The following ZDHHC14 variants were observed in gnomAD, a reference collection of about 807,000 sequenced individuals.
ZDHHC14 encodes the protein palmitoyltransferase ZDHHC14.
ZDHHC14 carries 16 observed loss-of-function variants against 47.7 expected under a neutral mutation model. The observed-to-expected ratio is 0.34, with a 90% CI of 0.23 to 0.51. ZDHHC14 has a LOEUF of 0.51. Ranked by LOEUF, ZDHHC14 falls within the 20% of genes least tolerant of loss-of-function variation. The pLI is 0.97. For synonymous variants in ZDHHC14, 293 were observed against 278.9 expected (o/e 1.05, Z -0.50); for missense variants, 515 against 662.5 (o/e 0.78, Z 2.44).
chr6:157,652,548 G>GA (rs897057844), intron 7 of ZDHHC14, among the ~76,000 whole-genome samples: 11 of 151,740 alleles, frequency 7.2e-5, no homozygotes, highest in Admixed American at 3.9e-4. Flanking sequence ...TCACTGGGGA[G>GA]AAAAAAAAGG....
At chr6:157,637,875 CA>C (rs1207635033) in intron 5 of ZDHHC14, among the ~76,000 whole-genome samples, 2 of 152,106 alleles carry the variant, frequency 1.3e-5, no homozygotes, top group Non-Finnish European at 2.9e-5. Flanking sequence ...AGATTAGAAA[CA>C]AAAATGGCTA....
intron 1 of ZDHHC14, among the ~76,000 whole-genome samples, chr6:157,518,591 G>T (rs1780786939): frequency 6.6e-6 from 1 of 152,120 alleles, no homozygotes; most frequent in Non-Finnish European, 1.5e-5. Context: ...AACCGCCCCG[G>T]TGCACCAGCG....
At chr6:157,481,752 C>G (rs1779635340) in intron 1 of ZDHHC14, among the ~76,000 whole-genome samples, 1 of 152,226 alleles carries the variant, frequency 6.6e-6, no homozygotes, top group Admixed American at 6.5e-5. Context: ...CTTGATATTA[C>G]TTTAGCCCCT....
chr6:157,581,821 C>G (rs71563713), intron 2 of ZDHHC14, among the ~76,000 whole-genome samples: 1 of 152,036 alleles, frequency 6.6e-6, no homozygotes, highest in East Asian at 1.9e-4. Flanking sequence ...TCACTGCATG[C>G]GAGATGGGTC....
rs912881663 is a variant in ZDHHC14 at position 157,673,187 on chromosome 6, G to A, written c.*65G>A. 1 of 1,477,932 alleles carries A rather than the reference G, an allele frequency of 6.8e-7. No homozygotes were observed. The highest frequency in any genetic ancestry group is 8.9e-7 in the Non-Finnish European group (1 of 1,123,324). 91.6% of individuals were successfully genotyped at this position (1,477,932 alleles called of 1,614,324 possible). On this transcript the variant is annotated 3_prime_UTR_variant, in exon 9 of 9. Coordinates refer to ENST00000359775, the MANE Select transcript of ZDHHC14 (RefSeq NM_024630.3). The surrounding 1 kb of genome is among the most constrained non-coding windows in gnomAD (Gnocchi z 5.4). ...CATGGGCAGCAGGAGTGAGCGGAGG[G>A]GTGTGTCCCACAGCGACTTTCCCAG...
At chr6:157,398,031 C>A (rs1284189692) in intron 1 of ZDHHC14, among the ~76,000 whole-genome samples, 1 of 150,966 alleles carries the variant, frequency 6.6e-6, no homozygotes, top group Non-Finnish European at 1.5e-5. Flanking sequence ...GCCCCTCAGC[C>A]CCCCAGCTCC....
chr6:157,573,962 G>T (rs1056166350), intron 2 of ZDHHC14, among the ~76,000 whole-genome samples: 4 of 150,216 alleles, frequency 2.7e-5, no homozygotes, highest in Non-Finnish European at 5.9e-5. Flanking sequence ...CCTCGGGGTC[G>T]GGGGGGAAGT....
In ZDHHC14 at chr6:157,381,909, C is replaced by A; in HGVS notation, c.-113C>A. The A allele has an allele frequency of 1.1e-6, 1 of 909,256 alleles. No individual in the cohort carries two copies. The highest frequency in any genetic ancestry group is 1.3e-6 in the Non-Finnish European group (1 of 768,234). The allele number at this position is 909,256 out of a possible 1,614,324, so 56.3% of individuals were successfully genotyped here. ...GAGCCGGGAGCCCGTGTAGGGGCCGCGGCGCCGCGGCTCGGGGGGCGGCCG... is the reference window on the plus strand; with the variant it reads ...GAGCCGGGAGCCCGTGTAGGGGCCGAGGCGCCGCGGCTCGGGGGGCGGCCG... On this transcript the variant is annotated 5_prime_UTR_variant, in exon 1 of 9. Coordinates refer to ENST00000359775, the MANE Select transcript of ZDHHC14 (RefSeq NM_024630.3).
chr6:157,519,098 T>C (rs972724211), intron 1 of ZDHHC14, among the ~76,000 whole-genome samples: 15 of 152,220 alleles, frequency 9.9e-5, no homozygotes, highest in African/African-American at 3.1e-4. Context: ...ACAGGAGTTT[T>C]AGTGATCTCA....
At chr6:157,583,289 T>G (rs796092748) in intron 2 of ZDHHC14, among the ~76,000 whole-genome samples, 12 of 152,274 alleles carry the variant, frequency 7.9e-5, no homozygotes, top group African/African-American at 2.9e-4. Flanking sequence ...AAGAAGACAC[T>G]CTGGCTATTT....
At position 157,672,708 on chromosome 6, in the gene ZDHHC14, G is replaced by A. The variant is rs755829868; in HGVS notation, c.1069-16G>A. On this transcript the variant is annotated splice_polypyrimidine_tract_variant and intron_variant, in intron 8 of 8. Transcript: ENST00000359775. ...TCCTCTCCACCTTCTCTTTGCTGGC[G>A]CCTCCCGCTCTCCAGTGCGACCAAG... 1.2e-5 allele frequency: 20 copies of A among 1,600,718 alleles called. No individual in the cohort carries two copies. The highest frequency in any genetic ancestry group is 6.9e-5 in the African/African-American group (5 of 72,624).
intron 1 of ZDHHC14, among the ~76,000 whole-genome samples, chr6:157,466,741 G>A (rs1583671849): frequency 6.6e-6 from 1 of 152,064 alleles, no homozygotes; most frequent in East Asian, 1.9e-4. Flanking sequence ...GGGAGGCTGA[G>A]GCAGGAGAAT....
At chr6:157,431,938 A>C (rs991004640) in intron 1 of ZDHHC14, among the ~76,000 whole-genome samples, 1 of 152,120 alleles carries the variant, frequency 6.6e-6, no homozygotes, top group African/African-American at 2.4e-5. Flanking sequence ...CACGTTGCCC[A>C]GGCTGGTCTT....
chr6:157,600,440 G>A (rs549556150), intron 3 of ZDHHC14, among the ~76,000 whole-genome samples: 3 of 152,264 alleles, frequency 2.0e-5, no homozygotes, highest in South Asian at 4.1e-4. Flanking sequence ...TGTATTTTTT[G>A]TGACAGTCTT....
chr6:157,527,632 G>C (rs1436457114), intron 1 of ZDHHC14, among the ~76,000 whole-genome samples: 1 of 152,172 alleles, frequency 6.6e-6, no homozygotes, highest in African/African-American at 2.4e-5. Flanking sequence ...GGCTCAGCTA[G>C]AGCATTTTCA....
At chr6:157,653,019 G>T (rs1777911092) in intron 7 of ZDHHC14, among the ~76,000 whole-genome samples, 1 of 152,174 alleles carries the variant, frequency 6.6e-6, no homozygotes, top group African/African-American at 2.4e-5. Context: ...AGAGAGGGGG[G>T]AAGAGTCCAA....
intron 1 of ZDHHC14, among the ~76,000 whole-genome samples, chr6:157,519,911 T>C (rs1198407269): frequency 6.6e-6 from 1 of 152,172 alleles, no homozygotes; most frequent in East Asian, 1.9e-4. Context: ...GCAGTTGCAG[T>C]GCAGGGCGAA....
rs1777505505 is a variant in ZDHHC14, at chr6:157,395,597, C to A, written c.245+13331C>A. ...GATCAGGAGGTCAGAAGATCGAGAC[C>A]ATCCTGGCCAACATGGTGAAACCCT... On this transcript the variant is annotated intron_variant, in intron 1 of 8. Transcript: ENST00000359775. Among the ~76,000 whole-genome samples, 4 of 152,052 alleles carry A rather than the reference C, an allele frequency of 2.6e-5. No homozygotes were observed. In the South Asian group the frequency reaches 8.3e-4, roughly 32 times the overall value.
intron 1 of ZDHHC14, among the ~76,000 whole-genome samples, chr6:157,521,180 G>C (rs1469273873): frequency 6.6e-6 from 1 of 152,156 alleles, no homozygotes; most frequent in Non-Finnish European, 1.5e-5. Context: ...GACCCTGGAG[G>C]CAGAATCAGG....
Sources: gnomAD v4.1 joint callset for allele counts (sites outside exome capture counted in the v4.1 genomes callset) on GRCh38, gnomAD v4.1.1 for gene constraint, Gnocchi (gnomAD v3.1) non-coding constraint, MANE v1.5 for transcripts, NCBI Gene and HGNC (gene_info 2026-07-23, HGNC 2026-07-21) for gene names.